The following MAN2A1 variants were observed in gnomAD, a reference collection of about 807,000 sequenced individuals.
MAN2A1 encodes the protein alpha-mannosidase 2.
In MAN2A1, 76 loss-of-function variants were observed where a neutral mutation model predicts 142.6. The observed-to-expected ratio is 0.53, with a 90% confidence interval of 0.44 to 0.65. MAN2A1 has a LOEUF of 0.65. Ranked by LOEUF, MAN2A1 falls within the 30% of genes least tolerant of loss-of-function variation. The pLI is 0.00. For missense variants in MAN2A1, 1,311 were observed against 1,365.1 expected (o/e 0.96, Z 0.62); for synonymous variants, 559 against 473.2 (o/e 1.18, Z -2.35).
intron 4 of MAN2A1, among the ~76,000 whole-genome samples, chr5:109,753,857 G>T (rs961997707): frequency 1.3e-5 from 2 of 151,380 alleles, no homozygotes; most frequent in African/African-American, 4.8e-5. Flanking sequence ...TTGCAGGCTG[G>T]CAAGTCTGTG....
intron 1 of MAN2A1, among the ~76,000 whole-genome samples, chr5:109,706,126 A>C (rs911995419): frequency 2.0e-5 from 3 of 152,208 alleles, no homozygotes; most frequent in African/African-American, 7.2e-5. Context: ...TATACTAACT[A>C]ATCCTCATAA....
chr5:109,811,858 T>C (rs1017481076), intron 12 of MAN2A1, among the ~76,000 whole-genome samples: 1 of 152,200 alleles, frequency 6.6e-6, no homozygotes, highest in Non-Finnish European at 1.5e-5. Context: ...TGTGGTTACT[T>C]TGAATGTGTA....
intron 5 of MAN2A1, among the ~76,000 whole-genome samples, chr5:109,762,094 C>T (rs112180269): frequency 0.019 from 2,815 of 152,120 alleles, 34 homozygotes; most frequent in Middle Eastern, 0.071. Flanking sequence ...GCATTCTGGA[C>T]TTTTTCATAT....
Position 109,707,949 on chromosome 5 carries a change from A to T in MAN2A1, c.136-5571A>T, listed in dbSNP as rs116262142. On this transcript the variant is annotated intron_variant, in intron 1 of 21. Coordinates refer to ENST00000261483, the MANE Select transcript of MAN2A1 (RefSeq NM_002372.4). The stretch of plus-strand genomic sequence containing the variant: ...TGAGGCATCAGGCAGGTATTTGAAT[A>T]TATGGGTCTGTTTTTCAGGGGTGAG... Among the ~76,000 whole-genome samples the T allele has an allele frequency of 7.7e-3, 1,166 of 152,272 alleles. 24 individuals carry two copies. The highest frequency in any genetic ancestry group is 0.026 in the African/African-American group (1,092 of 41,542).
intron 16 of MAN2A1, among the ~76,000 whole-genome samples, chr5:109,841,200 G>C (rs1292524795): frequency 6.6e-6 from 1 of 152,140 alleles, no homozygotes; most frequent in South Asian, 2.1e-4. Flanking sequence ...GGTTACATTA[G>C]TAAGTTCTTT....
At chr5:109,842,806 G>GTTTTTTTTTTTTTTTTTTTTTTTTT (rs768238978) in intron 17 of MAN2A1, among the ~76,000 whole-genome samples, 3 of 116,210 alleles carry the variant, frequency 2.6e-5, no homozygotes, top group Non-Finnish European at 3.5e-5. Flanking sequence ...TACTTATTGG[G>GTTTTTTTTTTTTTTTTTTTTTTTTT]TTTTTTTTTT....
chr5:109,748,157 G>C (rs975038668), intron 4 of MAN2A1, among the ~76,000 whole-genome samples: 13 of 152,074 alleles, frequency 8.5e-5, no homozygotes, highest in Non-Finnish European at 1.9e-4. Flanking sequence ...TATTTTCAGT[G>C]AGCATGGATG....
intron 12 of MAN2A1, among the ~76,000 whole-genome samples, chr5:109,815,726 T>G (rs1416860921): frequency 6.6e-6 from 1 of 152,194 alleles, no homozygotes; most frequent in Non-Finnish European, 1.5e-5. Flanking sequence ...TAATGAACAC[T>G]TTGTAATGCA....
At chr5:109,772,539 T>C (rs1442242849) in intron 7 of MAN2A1, among the ~76,000 whole-genome samples, 5 of 152,272 alleles carry the variant, frequency 3.3e-5, no homozygotes, top group South Asian at 4.1e-4. Flanking sequence ...AGACAGGTTC[T>C]CTTTCTGTCA....
intron 5 of MAN2A1, among the ~76,000 whole-genome samples, chr5:109,756,406 A>G (rs1752691459): frequency 2.0e-5 from 3 of 152,188 alleles, no homozygotes; most frequent in African/African-American, 7.2e-5. Flanking sequence ...TTATGTAAGT[A>G]TATGTGTTTT....
Position 109,746,555 on chromosome 5 carries a change from C to G in MAN2A1, c.708-8774C>G, listed in dbSNP as rs556324954. Among the ~76,000 whole-genome samples the G allele has an allele frequency of 4.4e-4, 66 of 150,494 alleles. 1 individual carries two copies. In the South Asian group the frequency reaches 0.012, roughly 28 times the overall value. On this transcript the variant is annotated intron_variant, in intron 4 of 21. Transcript: ENST00000261483. ...ATATATATTATACAATGATAGCATG[C>G]CATGCACATTGTGCTGGTTTTTTTT...
intron 16 of MAN2A1, among the ~76,000 whole-genome samples, chr5:109,837,350 A>G (rs1261649730): frequency 1.3e-5 from 2 of 151,954 alleles, no homozygotes; most frequent in African/African-American, 2.4e-5. Context: ...CTCTTGCAGG[A>G]TATCAGATTT....
intron 4 of MAN2A1, among the ~76,000 whole-genome samples, chr5:109,739,931 A>G (rs1051679123): frequency 6.6e-6 from 1 of 152,208 alleles, no homozygotes; most frequent in African/African-American, 2.4e-5. Flanking sequence ...GAGGGCTGAC[A>G]GATGGAGGGA....
intron 4 of MAN2A1, among the ~76,000 whole-genome samples, chr5:109,755,125 A>G (rs557233105): frequency 6.6e-6 from 1 of 152,292 alleles, no homozygotes; most frequent in South Asian, 2.1e-4. Flanking sequence ...TTTCCTGCAG[A>G]AGGGCAGGGG....
chr5:109,847,585 A>C (rs1755373553), intron 18 of MAN2A1, 72 bp from the exon 19 acceptor site: 1 of 1,315,864 alleles, frequency 7.6e-7, no homozygotes, highest in African/African-American at 1.5e-5. Context: ...ACTGCTACTT[A>C]AGTGATGCTC....
chr5:109,781,444 G>A lies in MAN2A1; in HGVS notation c.1423G>A (p.Asp475Asn), dbSNP rs1296328992. Residue 475 changes from aspartate to asparagine, a missense_variant, in exon 9 of 22, where the codon GAT becomes AAT. Physicochemically the swap from Asp to Asn is conservative, Grantham distance 23. Coordinates refer to ENST00000261483, the MANE Select transcript of MAN2A1 (RefSeq NM_002372.4). ...SDFFDALDKA[D>N]ETQRDKGQSM... is the part of the protein sequence containing the mutation. Reference sequence around the variant, plus strand: ...TTTTTTTGATGCGCTGGATAAAGCAGATGAAACTCAGAGAGACAAGGGCCA... The same window carrying A: ...TTTTTTTGATGCGCTGGATAAAGCAAATGAAACTCAGAGAGACAAGGGCCA... 6.2e-7 allele frequency: 1 copy of A among 1,612,514 alleles called. No homozygotes were observed. The highest frequency in any genetic ancestry group is 8.5e-7 in the Non-Finnish European group (1 of 1,179,646).
At chr5:109,783,100 C>T (rs1427839159) in intron 9 of MAN2A1, among the ~76,000 whole-genome samples, 1 of 151,992 alleles carries the variant, frequency 6.6e-6, no homozygotes, top group African/African-American at 2.4e-5. Flanking sequence ...ATGTAGAGAT[C>T]GTTTTGGACC....
chr5:109,737,994 G>C (rs1752154051), intron 4 of MAN2A1, among the ~76,000 whole-genome samples: 4 of 152,174 alleles, frequency 2.6e-5, no homozygotes, highest in Admixed American at 2.6e-4. Context: ...TGTTTGAGGT[G>C]TGTGCGTGTG....
chr5:109,865,455 C>G (rs79424862), intron 21 of MAN2A1: 6,660 of 338,966 alleles, frequency 0.02, 96 homozygotes, highest in Middle Eastern at 0.035. Flanking sequence ...TTTCTCCTCC[C>G]CTGAACCACA....
Sources: gnomAD v4.1 joint callset for allele counts (sites outside exome capture counted in the v4.1 genomes callset) on GRCh38, gnomAD v4.1.1 for gene constraint, MANE v1.5 for transcripts, NCBI Gene and HGNC (gene_info 2026-07-23, HGNC 2026-07-21) for gene names.